The following PTPRA variants were observed in gnomAD, a reference collection of about 807,000 sequenced individuals.
PTPRA encodes the protein receptor-type tyrosine-protein phosphatase alpha.
Under a neutral mutation model 104.8 loss-of-function variants are expected in PTPRA, and 25 were observed. That is an observed-to-expected ratio of 0.24 (90% CI 0.17 to 0.33). The LOEUF is 0.33. PTPRA is among the 10% of genes least tolerant of loss of function. The pLI is 1.00. For synonymous variants in PTPRA, 323 were observed against 368.9 expected, an observed-to-expected ratio of 0.88 and a Z score of 1.43; for missense variants, 765 against 1,015.3, an observed-to-expected ratio of 0.75 and a Z score of 3.35.
intron 11 of PTPRA, among the ~76,000 whole-genome samples, chr20:3,012,342 C>T (rs1025199653): frequency 5.3e-5 from 8 of 152,098 alleles, no homozygotes; most frequent in East Asian, 1.9e-4. Flanking sequence ...GACAAGGAAG[C>T]GGCGACAAAG....
At chr20:2,936,205 G>T (rs2060694810) in intron 2 of PTPRA, among the ~76,000 whole-genome samples, 1 of 152,028 alleles carries the variant, frequency 6.6e-6, no homozygotes, top group African/African-American at 2.4e-5. Flanking sequence ...TTCCATAATG[G>T]CTGTACTTAT....
intron 2 of PTPRA, among the ~76,000 whole-genome samples, chr20:2,924,498 G>A (rs1362349506): frequency 6.6e-6 from 1 of 152,142 alleles, no homozygotes; most frequent in Admixed American, 6.6e-5. Flanking sequence ...TGACAACATG[G>A]ATGAATCTCG....
intron 1 of PTPRA, among the ~76,000 whole-genome samples, chr20:2,916,229 G>A (rs369676584): frequency 6.6e-6 from 1 of 152,012 alleles, no homozygotes; most frequent in East Asian, 1.9e-4. Flanking sequence ...TTCTAGAGAT[G>A]GGGTTTCACT....
At position 2,910,406 on chromosome 20, in the gene PTPRA, T is replaced by TATATTATATAATATATAAAA. The variant is rs1568649926; in HGVS notation, c.-128-12801_-128-12800insATATTATATAATATATAAAA. 1.8e-4 allele frequency among the ~76,000 whole-genome samples: 13 copies of TATATTATATAATATATAAAA among 72,244 alleles called. 2 individuals are homozygous for TATATTATATAATATATAAAA. The highest frequency in any genetic ancestry group is 1.2e-3 in the African/African-American group (12 of 9,780). 47.4% of individuals were successfully genotyped at this position (72,244 alleles called of 152,430 possible). On this transcript the variant is annotated intron_variant, in intron 1 of 23. Coordinates refer to ENST00000399903, the MANE Select transcript of PTPRA (RefSeq NM_001385305.1). Reference sequence around the variant, plus strand: ...TTATATATTTTATATATAATATATTTTGTATATTATATAATATATAAAATG... The same window carrying TATATTATATAATATATAAAA: ...TTATATATTTTATATATAATATATTTATATTATATAATATATAAAATGTATATTATATAATATATAAAATG...
chr20:2,946,426 C>T (rs914751855), intron 2 of PTPRA, among the ~76,000 whole-genome samples: 1 of 152,056 alleles, frequency 6.6e-6, no homozygotes, highest in Admixed American at 6.6e-5. Context: ...AAAAAGAGAG[C>T]AAACATGGAA....
intron 1 of PTPRA, among the ~76,000 whole-genome samples, chr20:2,882,296 C>CT (rs563182313): frequency 0.2 from 27,226 of 139,224 alleles, 4,176 homozygotes; most frequent in African/African-American, 0.43. Context: ...TTCTTTCTTT[C>CT]TTTTTTTTTT....
intron 17 of PTPRA, among the ~76,000 whole-genome samples, chr20:3,026,232 C>CG (rs1426708847): frequency 6.6e-6 from 1 of 152,040 alleles, no homozygotes; most frequent in Non-Finnish European, 1.5e-5. Flanking sequence ...CCACCACGCC[C>CG]GGCTTGAGAT....
At chr20:3,030,348 C>T (rs2065374211) in intron 20 of PTPRA, among the ~76,000 whole-genome samples, 1 of 152,176 alleles carries the variant, frequency 6.6e-6, no homozygotes, top group South Asian at 2.1e-4. Context: ...GCTCTGTCTT[C>T]CTAGGCCAGT....
intron 9 of PTPRA, 87 bp from the exon 10 acceptor site, chr20:3,004,969 G>A (rs2063799034): frequency 8.4e-7 from 1 of 1,192,828 alleles, no homozygotes; most frequent in Admixed American, 1.9e-5. Context: ...GGTAGAACAT[G>A]CTACCAGGTC....
the PTPRA span, chr20:2,864,885 G>A: frequency 2.6e-6 from 4 of 1,560,972 alleles, no homozygotes; most frequent in South Asian, 2.2e-5. The surrounding 1 kb of genome is among the most constrained non-coding windows in gnomAD (Gnocchi z 5.2). Flanking sequence ...TGGCGACCCT[G>A]GGCACAGGGA....
intron 1 of PTPRA, among the ~76,000 whole-genome samples, chr20:2,890,078 T>G (rs1600065931): frequency 7.8e-6 from 1 of 127,498 alleles, no homozygotes; most frequent in African/African-American, 3.2e-5. Context: ...TTTTTTTTTT[T>G]GTAGAGATGA....
At chr20:3,001,603 T>C (rs1416876131) in intron 9 of PTPRA, among the ~76,000 whole-genome samples, 1 of 152,108 alleles carries the variant, frequency 6.6e-6, no homozygotes, top group African/African-American at 2.4e-5. Context: ...GGAAATCTTA[T>C]GTGAAGGAAG....
At chr20:2,982,145 C>G (rs1010566855) in intron 6 of PTPRA, among the ~76,000 whole-genome samples, 2 of 147,538 alleles carry the variant, frequency 1.4e-5, no homozygotes, top group Non-Finnish European at 3.0e-5. Context: ...GGCTGGAGTG[C>G]AGTGGCACGA....
chr20:2,957,057 G>A (rs962050886), intron 3 of PTPRA, among the ~76,000 whole-genome samples: 2 of 152,164 alleles, frequency 1.3e-5, no homozygotes, highest in African/African-American at 2.4e-5. Flanking sequence ...AGGCTGAGGC[G>A]GGCAGATCAC....
chr20:2,998,113 A>G (rs2063474560), intron 9 of PTPRA, among the ~76,000 whole-genome samples: 1 of 150,458 alleles, frequency 6.6e-6, no homozygotes, highest in African/African-American at 2.5e-5. Flanking sequence ...CAGGAGCTAC[A>G]GTGAGCTACA....
intron 6 of PTPRA, 32 bp downstream of exon 6, chr20:2,975,273 T>C: frequency 6.4e-7 from 1 of 1,562,202 alleles, no homozygotes; most frequent in African/African-American, 1.4e-5. Context: ...TGTTGTTCCT[T>C]TTACACAGTG....
Position 2,984,790 on chromosome 20 carries a change from T to C in PTPRA, c.443-1975T>C, listed in dbSNP as rs376920472. Among the ~76,000 whole-genome samples, 6 of 152,334 alleles carry C rather than the reference T, an allele frequency of 3.9e-5. No individual in the cohort carries two copies. In the East Asian group the frequency reaches 9.6e-4, roughly 24 times the overall value. ...CCTGCCAAGCTCCTGAGAGCTACCA[T>C]GCTTGCTGTTCCCAGTGTCTAGAAA... is the stretch of plus-strand genomic sequence containing the variant. On this transcript the variant is annotated intron_variant, in intron 6 of 23. Coordinates refer to ENST00000399903, the MANE Select transcript of PTPRA (RefSeq NM_001385305.1).
At chr20:2,991,664 G>A (rs1294047750) in intron 9 of PTPRA, among the ~76,000 whole-genome samples, 1 of 152,142 alleles carries the variant, frequency 6.6e-6, no homozygotes, top group African/African-American at 2.4e-5. Flanking sequence ...ATTCCTGGAG[G>A]CATGACAGGT....
chr20:2,995,048 T>G (rs1176105012), intron 9 of PTPRA, among the ~76,000 whole-genome samples: 1 of 152,150 alleles, frequency 6.6e-6, no homozygotes. Flanking sequence ...GAGAATCGCT[T>G]GAACCCGGGA....
Sources: gnomAD v4.1 joint callset for allele counts (sites outside exome capture counted in the v4.1 genomes callset) on GRCh38, gnomAD v4.1.1 for gene constraint, Gnocchi (gnomAD v3.1) non-coding constraint, MANE v1.5 for transcripts, NCBI Gene and HGNC (gene_info 2026-07-23, HGNC 2026-07-21) for gene names.